ZC3H13: variants seen among roughly 807,000 people sequenced by gnomAD.
The protein encoded by ZC3H13 is zinc finger CCCH domain-containing protein 13.
A neutral mutation model predicts 204.1 loss-of-function variants in ZC3H13; 64 were observed. The observed-to-expected ratio is 0.31, with a 90% CI of 0.26 to 0.39. The LOEUF (loss-of-function observed/expected upper bound fraction) is 0.39. ZC3H13 is among the 10% of genes least tolerant of loss of function. ZC3H13 has a pLI of 1.00. For missense variants in ZC3H13, 1,833 were observed against 2,082.7 expected (o/e 0.88, Z 2.33); for synonymous variants, 667 against 693.7 (o/e 0.96, Z 0.60).
intron 1 of ZC3H13, among the ~76,000 whole-genome samples, chr13:46,046,863 T>C (rs1400755297): frequency 6.6e-6 from 1 of 152,042 alleles, no homozygotes; most frequent in Non-Finnish European, 1.5e-5. Flanking sequence ...ATCCAGAGCA[T>C]ACACTACTGT....
chr13:46,004,390 A>C (rs937486943), intron 7 of ZC3H13, among the ~76,000 whole-genome samples: 2 of 152,078 alleles, frequency 1.3e-5, no homozygotes, highest in Non-Finnish European at 2.9e-5. Context: ...AAATACAAAA[A>C]TTAGCCAGGC....
At chr13:45,979,346 T>C (rs1402937176) in intron 11 of ZC3H13, among the ~76,000 whole-genome samples, 1 of 152,066 alleles carries the variant, frequency 6.6e-6, no homozygotes, top group Non-Finnish European at 1.5e-5. Context: ...AGAATACAAA[T>C]AAAATATTTC....
At chr13:45,985,893 G>C (rs1257179843) in intron 9 of ZC3H13, 132 bp from the exon 10 acceptor site, 1 of 819,964 alleles carries the variant, frequency 1.2e-6, no homozygotes, top group Non-Finnish European at 1.8e-6. Flanking sequence ...AAATAAAGAA[G>C]CTAAAATTCC....
At chr13:45,987,392 C>T (rs1338048551) in intron 9 of ZC3H13, among the ~76,000 whole-genome samples, 1 of 152,078 alleles carries the variant, frequency 6.6e-6, no homozygotes, top group East Asian at 1.9e-4. Flanking sequence ...AATAAGTAGT[C>T]ATTAAATATG....
intron 7 of ZC3H13, among the ~76,000 whole-genome samples, chr13:46,005,008 T>G (rs2041030743): frequency 6.6e-6 from 1 of 152,236 alleles, no homozygotes; most frequent in Non-Finnish European, 1.5e-5. Flanking sequence ...CATTTTCATG[T>G]CAAAATCCTT....
chr13:46,040,139 A>G (rs980239204), intron 4 of ZC3H13, among the ~76,000 whole-genome samples: 1 of 152,220 alleles, frequency 6.6e-6, no homozygotes, highest in Non-Finnish European at 1.5e-5. Context: ...CCAGCTGAGA[A>G]CTATTTAAGA....
chr13:45,990,580 G>A (rs1196027305), intron 8 of ZC3H13, among the ~76,000 whole-genome samples: 5 of 152,058 alleles, frequency 3.3e-5, no homozygotes, highest in Non-Finnish European at 7.4e-5. Flanking sequence ...AAAAAGATAA[G>A]CCATAAGCTA....
chr13:45,986,003 A>G (rs977197319), intron 9 of ZC3H13, among the ~76,000 whole-genome samples: 9 of 152,026 alleles, frequency 5.9e-5, no homozygotes. Context: ...ACTCACCCCA[A>G]CTTACCAGAT....
chr13:45,990,103 C>T (rs1400644405), intron 8 of ZC3H13, among the ~76,000 whole-genome samples: 1 of 152,188 alleles, frequency 6.6e-6, no homozygotes, highest in African/African-American at 2.4e-5. Context: ...GCACTACTGA[C>T]ATTTTGTACT....
At chr13:46,009,264 A>G (rs1011794996) in intron 7 of ZC3H13, among the ~76,000 whole-genome samples, 7 of 152,138 alleles carry the variant, frequency 4.6e-5, no homozygotes, top group African/African-American at 1.7e-4. Flanking sequence ...ATGTCATTCT[A>G]AGGAATCTGA....
chr13:46,004,718 C>A (rs1424591384), intron 7 of ZC3H13, among the ~76,000 whole-genome samples: 1 of 152,048 alleles, frequency 6.6e-6, no homozygotes, highest in Non-Finnish European at 1.5e-5. Context: ...GAAATATCAA[C>A]CACTGTCAGT....
intron 8 of ZC3H13, among the ~76,000 whole-genome samples, chr13:45,999,644 GT>G (rs1211381359): frequency 6.6e-6 from 1 of 152,200 alleles, no homozygotes; most frequent in African/African-American, 2.4e-5. Context: ...CATGAACGTT[GT>G]AATTGACTTC....
At chr13:46,016,253 A>G (rs139424700) in intron 5 of ZC3H13, among the ~76,000 whole-genome samples, 268 of 152,274 alleles carry the variant, frequency 1.8e-3, no homozygotes, top group African/African-American at 6.3e-3. Context: ...GTGTCTGTAC[A>G]TGTTTACCAA....
At chr13:46,049,278 A>C (rs2139262230) in intron 1 of ZC3H13, among the ~76,000 whole-genome samples, 1 of 149,782 alleles carries the variant, frequency 6.7e-6, no homozygotes, top group East Asian at 2.0e-4. Context: ...CTGAACATTT[A>C]AAACAAGAAT....
intron 15 of ZC3H13, among the ~76,000 whole-genome samples, chr13:45,966,012 T>C (rs1056749527): frequency 2.0e-5 from 3 of 152,192 alleles, no homozygotes; most frequent in Non-Finnish European, 4.4e-5. Flanking sequence ...CTTGCATTGA[T>C]GAACACAATT....
intron 4 of ZC3H13, among the ~76,000 whole-genome samples, chr13:46,024,734 T>A (rs999114254): frequency 6.6e-6 from 1 of 152,152 alleles, no homozygotes; most frequent in Non-Finnish European, 1.5e-5. Context: ...CATTCTTTTT[T>A]TTTTTTCTTC....
chr13:46,003,110 T>C, intron 8 of ZC3H13, 29 bp downstream of exon 8: 1 of 1,593,096 alleles, frequency 6.3e-7, no homozygotes, highest in Non-Finnish European at 8.5e-7. Flanking sequence ...CAAAAGTTAA[T>C]ATTGTTAAAA....
In ZC3H13 at chr13:45,975,400, C is replaced by T. The variant is rs1215918193; in HGVS notation, c.2351G>A (p.Arg784Gln). 5.0e-6 allele frequency: 8 copies of T among 1,614,022 alleles called. No homozygotes were observed. The highest frequency in any genetic ancestry group is 6.8e-6 in the Non-Finnish European group (8 of 1,180,002). ...RERARERDKERERQRDWEDKD... is the reference protein window; with the variant it reads ...RERARERDKEQERQRDWEDKD... ...GTCTTCCCAATCCCTTTGGCGTTCTCGTTCTTTATCCCTTTCTCTCGCTCT... is the reference window on the plus strand; with the variant it reads ...GTCTTCCCAATCCCTTTGGCGTTCTTGTTCTTTATCCCTTTCTCTCGCTCT... The change falls in exon 12 of 19, where the codon CGA (arginine) becomes CAA (glutamine). Residue 784 changes from arginine to glutamine, a missense_variant. By Grantham distance (43) the Arg-to-Gln change is conservative. Coordinates refer to ENST00000679008, the MANE Select transcript of ZC3H13 (RefSeq NM_001330564.2).
chr13:46,039,095 G>C (rs887481436), intron 4 of ZC3H13, among the ~76,000 whole-genome samples: 3 of 152,130 alleles, frequency 2.0e-5, no homozygotes, highest in African/African-American at 7.2e-5. Flanking sequence ...AGTTTAGATA[G>C]TGTATTACCT....
Sources: gnomAD v4.1 joint callset for allele counts (sites outside exome capture counted in the v4.1 genomes callset) on GRCh38, gnomAD v4.1.1 for gene constraint, MANE v1.5 for transcripts, NCBI Gene and HGNC (gene_info 2026-07-23, HGNC 2026-07-21) for gene names.